The following ANO3 variants were observed in gnomAD, a reference collection of about 807,000 sequenced individuals.
ANO3 encodes the protein anoctamin-3.
A neutral mutation model predicts 144.8 loss-of-function variants in ANO3; 99 were observed. That is an observed-to-expected ratio of 0.68 (90% CI 0.58 to 0.81). The LOEUF is 0.81. Ranked by LOEUF, ANO3 falls within the 30% of genes least tolerant of loss-of-function variation. The pLI is 0.00. For missense variants in ANO3, 905 were observed against 1,202.2 expected (o/e 0.75, Z 3.66); for synonymous variants, 414 against 392.6 (o/e 1.05, Z -0.64).
At chr11:26,424,598 A>C (rs921092585) in intron 1 of ANO3, among the ~76,000 whole-genome samples, 1 of 152,018 alleles carries the variant, frequency 6.6e-6, no homozygotes, top group Non-Finnish European at 1.5e-5. Context: ...ATATATTTTT[A>C]CTTGTCTGTT....
chr11:26,227,672 T>G (rs1852283954), intron 1 of ANO3, among the ~76,000 whole-genome samples: 1 of 152,150 alleles, frequency 6.6e-6, no homozygotes, highest in South Asian at 2.1e-4. Flanking sequence ...TTTATCTACA[T>G]GATTCCACTT....
At chr11:26,484,823 G>C (rs1318419784) in intron 4 of ANO3, among the ~76,000 whole-genome samples, 1 of 152,218 alleles carries the variant, frequency 6.6e-6, no homozygotes, top group Non-Finnish European at 1.5e-5. Context: ...GAGCACTGAT[G>C]AAAGCCAAGC....
At chr11:26,509,378 C>T (rs1365509741) in intron 5 of ANO3, among the ~76,000 whole-genome samples, 6 of 151,900 alleles carry the variant, frequency 3.9e-5, no homozygotes, top group African/African-American at 1.5e-4. Flanking sequence ...AGCAGTGGCG[C>T]GATCTTGGCT....
intron 1 of ANO3, among the ~76,000 whole-genome samples, chr11:26,291,983 G>A (rs549348832): frequency 2.6e-5 from 4 of 152,210 alleles, no homozygotes; most frequent in African/African-American, 9.6e-5. Flanking sequence ...AAGTTCTCCC[G>A]GGTAATATCC....
intron 1 of ANO3, among the ~76,000 whole-genome samples, chr11:26,393,975 A>T (rs1856943524): frequency 6.6e-6 from 1 of 152,172 alleles, no homozygotes. Context: ...TTGCAAATGC[A>T]TTTTAACATT....
chr11:26,266,586 A>G (rs1395849840), intron 1 of ANO3, among the ~76,000 whole-genome samples: 1 of 151,646 alleles, frequency 6.6e-6, no homozygotes, highest in East Asian at 2.0e-4. Flanking sequence ...GGCGTCCGCC[A>G]CCAAACCCCG....
intron 1 of ANO3, among the ~76,000 whole-genome samples, chr11:26,375,018 A>C (rs896286170): frequency 1.3e-5 from 2 of 152,322 alleles, no homozygotes; most frequent in Non-Finnish European, 2.9e-5. Flanking sequence ...TGCTGGGATT[A>C]CAGGCGTGAG....
intron 1 of ANO3, among the ~76,000 whole-genome samples, chr11:26,222,837 A>T (rs537665236): frequency 2.0e-5 from 3 of 152,154 alleles, no homozygotes; most frequent in Non-Finnish European, 4.4e-5. Context: ...GGTGTAGGGC[A>T]GTGGGATCCT....
intron 4 of ANO3, among the ~76,000 whole-genome samples, chr11:26,499,982 A>G (rs555833787): frequency 5.5e-4 from 83 of 152,032 alleles, no homozygotes; most frequent in Non-Finnish European, 9.4e-4. Context: ...CTCCTCCCTC[A>G]GCCCTAGGAA....
intron 1 of ANO3, among the ~76,000 whole-genome samples, chr11:26,354,853 T>C (rs982486191): frequency 2.6e-5 from 4 of 152,110 alleles, no homozygotes; most frequent in Admixed American, 1.3e-4. Context: ...TATCCTAAGA[T>C]TGATTTCTCC....
At chr11:26,410,748 G>A (rs1487751819) in intron 1 of ANO3, among the ~76,000 whole-genome samples, 1 of 151,984 alleles carries the variant, frequency 6.6e-6, no homozygotes, top group African/African-American at 2.4e-5. Flanking sequence ...CGAAAAGAAG[G>A]TTAACAGCTG....
At chr11:26,497,641 TAA>T (rs1252807275) in intron 4 of ANO3, among the ~76,000 whole-genome samples, 1 of 152,098 alleles carries the variant, frequency 6.6e-6, no homozygotes, top group African/African-American at 2.4e-5. Flanking sequence ...AGGAGTTTTC[TAA>T]ATACATGTTG....
intron 24 of ANO3, among the ~76,000 whole-genome samples, chr11:26,649,722 G>A (rs1284988086): frequency 7.0e-6 from 1 of 142,720 alleles, no homozygotes; most frequent in African/African-American, 2.5e-5. Flanking sequence ...GGACGACAGG[G>A]CAAAATTTCG....
chr11:26,512,426 G>A (rs1403840248), intron 5 of ANO3, among the ~76,000 whole-genome samples: 1 of 152,098 alleles, frequency 6.6e-6, no homozygotes, highest in Non-Finnish European at 1.5e-5. Context: ...TGACTCCTGG[G>A]GAAAAGGTAA....
intron 1 of ANO3, among the ~76,000 whole-genome samples, chr11:26,416,655 G>T (rs1201948551): frequency 6.6e-6 from 1 of 151,998 alleles, no homozygotes; most frequent in East Asian, 1.9e-4. Context: ...TCGATCTCCT[G>T]ACCTGGTGAT....
At chr11:26,218,133 T>A (rs1363767687) in intron 1 of ANO3, among the ~76,000 whole-genome samples, 2 of 152,214 alleles carry the variant, frequency 1.3e-5, no homozygotes, top group East Asian at 3.9e-4. Flanking sequence ...TGCACAATAT[T>A]TAATGTATTT....
At chr11:26,192,325 G>A (rs573326808) in intron 1 of ANO3, among the ~76,000 whole-genome samples, 45 of 152,216 alleles carry the variant, frequency 3.0e-4, no homozygotes, top group Non-Finnish European at 6.0e-4. Flanking sequence ...GGGATTAGTG[G>A]TAGGGGTGTG....
chr11:26,656,581 A>C (rs1035178397), intron 26 of ANO3, 100 bp downstream of exon 26: 2 of 768,142 alleles, frequency 2.6e-6, no homozygotes, highest in African/African-American at 1.7e-5. Flanking sequence ...TTCCATAAAA[A>C]CACTTAAGTA....
At chr11:26,597,782 C>A (rs1313531402) in intron 14 of ANO3, among the ~76,000 whole-genome samples, 1 of 152,144 alleles carries the variant, frequency 6.6e-6, no homozygotes, top group Non-Finnish European at 1.5e-5. Flanking sequence ...AAACAGCAAT[C>A]GTTTTCTTAA....
Sources: allele counts gnomAD v4.1 joint callset (sites outside exome capture counted in the v4.1 genomes callset), GRCh38; gene constraint gnomAD v4.1.1; transcripts MANE v1.5; gene names NCBI Gene and HGNC (gene_info 2026-07-23, HGNC 2026-07-21).